Variants in ZNF93 observed in about 807,000 individuals in gnomAD.
The protein encoded by ZNF93 is zinc finger protein 93.
ZNF93 carries 29 observed loss-of-function variants against 45.0 expected under a neutral mutation model. The ratio of observed to expected loss-of-function variants is 0.64; its 90% CI spans 0.48 to 0.88. ZNF93 has a LOEUF of 0.88. ZNF93 is among the 40% of genes least tolerant of loss of function. The probability of loss-of-function intolerance (pLI) is 0.00; values close to 1 mark genes in which losing one functional copy is unlikely to be tolerated. For synonymous variants in ZNF93, 223 were observed against 244.6 expected (o/e 0.91, Z 0.82); for missense variants, 578 against 724.0 (o/e 0.80, Z 2.31).
At chr19:19,915,996 C>G (rs930027288) in intron 2 of ZNF93, among the ~76,000 whole-genome samples, 3 of 152,018 alleles carry the variant, frequency 2.0e-5, no homozygotes, top group African/African-American at 7.2e-5. Context: ...CTAAATGCCA[C>G]CACCAATTTT....
chr19:19,927,337 G>T, intron 3 of ZNF93: 1 of 397,048 alleles, frequency 2.5e-6, no homozygotes, highest in South Asian at 1.4e-4. Flanking sequence ...CAGCTTGGGT[G>T]ACAGAGTGAG....
At chr19:19,913,240 G>A (rs953495672) in intron 1 of ZNF93, among the ~76,000 whole-genome samples, 5 of 152,172 alleles carry the variant, frequency 3.3e-5, no homozygotes, top group Non-Finnish European at 5.9e-5. Flanking sequence ...TTATAAGCTC[G>A]TTAAAGCTTG....
At chr19:19,909,675 T>G (rs2063302404) in intron 1 of ZNF93, among the ~76,000 whole-genome samples, 1 of 152,238 alleles carries the variant, frequency 6.6e-6, no homozygotes, top group African/African-American at 2.4e-5. Flanking sequence ...TGTTCTATTA[T>G]TGTGGAGTTT....
At chr19:19,901,660 C>T (rs1168061529) in intron 1 of ZNF93, among the ~76,000 whole-genome samples, 1 of 152,058 alleles carries the variant, frequency 6.6e-6, no homozygotes, top group East Asian at 1.9e-4. Context: ...TTTCCCCATT[C>T]TCCTTTTCTC....
intron 1 of ZNF93, among the ~76,000 whole-genome samples, chr19:19,911,367 T>G (rs151155843): frequency 2.0e-5 from 3 of 152,380 alleles, no homozygotes; most frequent in African/African-American, 4.8e-5. Context: ...ATTCTGCTTC[T>G]GTCTCAGTGT....
At chr19:19,905,567 T>G (rs766911468) in intron 1 of ZNF93, among the ~76,000 whole-genome samples, 2 of 152,150 alleles carry the variant, frequency 1.3e-5, no homozygotes, top group Non-Finnish European at 2.9e-5. Flanking sequence ...CACAGAGTAT[T>G]CCATGATGTT....
At chr19:19,930,343 C>T (rs910756421) in intron 3 of ZNF93, among the ~76,000 whole-genome samples, 5 of 152,152 alleles carry the variant, frequency 3.3e-5, no homozygotes, top group Non-Finnish European at 5.9e-5. Context: ...AGACTAGGAG[C>T]GTGACCACTG....
intron 3 of ZNF93, 198 bp from the exon 4 acceptor site, chr19:19,932,984 T>C (rs2063379261): frequency 1.6e-5 from 6 of 386,808 alleles, no homozygotes; most frequent in Non-Finnish European, 2.6e-5. Context: ...TAAATTTACC[T>C]GCCTTACCAG....
chr19:19,915,466 TG>T, intron 2 of ZNF93, 60 bp downstream of exon 2: 1 of 1,550,092 alleles, frequency 6.5e-7, no homozygotes, highest in Admixed American at 2.1e-5. Flanking sequence ...TTCTCTTTTT[TG>T]TAGAATGTTT....
At chr19:19,911,984 C>T (rs1172396311) in intron 1 of ZNF93, among the ~76,000 whole-genome samples, 1 of 152,018 alleles carries the variant, frequency 6.6e-6, no homozygotes, top group Non-Finnish European at 1.5e-5. Flanking sequence ...TGCTTGACCT[C>T]GTTCTGCACC....
At chr19:19,914,145 T>A (rs2063317347) in intron 1 of ZNF93, among the ~76,000 whole-genome samples, 1 of 152,192 alleles carries the variant, frequency 6.6e-6, no homozygotes, top group East Asian at 1.9e-4. Context: ...CACAGAAAGA[T>A]GTGGGTACTC....
intron 1 of ZNF93, among the ~76,000 whole-genome samples, chr19:19,905,837 C>A (rs1183144947): frequency 6.6e-6 from 1 of 152,080 alleles, no homozygotes; most frequent in Non-Finnish European, 1.5e-5. Context: ...GGCAATCCAC[C>A]AGCCTCAGCC....
At chr19:19,931,428 T>C (rs7251285) in intron 3 of ZNF93, among the ~76,000 whole-genome samples, 13,462 of 152,148 alleles carry the variant, frequency 0.088, 1,484 homozygotes, top group African/African-American at 0.26. Context: ...TGAATTCAGG[T>C]GATCTGCCTG....
chr19:19,927,427 A>T, intron 3 of ZNF93: 1 of 372,414 alleles, frequency 2.7e-6, no homozygotes, highest in Non-Finnish European at 4.7e-6. Context: ...CTAGAAACTT[A>T]ACATCTTGTA....
At chr19:19,914,815 C>G (rs941544728) in intron 1 of ZNF93, 3 of 370,984 alleles carry the variant, frequency 8.1e-6, no homozygotes, top group Non-Finnish European at 1.5e-5. Context: ...AAAACATTGA[C>G]ATTTTTGGTG....
chr19:19,932,390 A>G (rs1379301933), intron 3 of ZNF93: 1 of 152,300 alleles, frequency 6.6e-6, no homozygotes, highest in Non-Finnish European at 1.5e-5. Context: ...GGTTCTTTTC[A>G]AACACCACTC....
chr19:19,919,594 G>A (rs1439554716), intron 3 of ZNF93, among the ~76,000 whole-genome samples: 3 of 152,158 alleles, frequency 2.0e-5, no homozygotes, highest in East Asian at 1.9e-4. Context: ...AGCATGGAAT[G>A]TTCTTCCATG....
At position 19,933,527 on chromosome 19, in the gene ZNF93, A is replaced by T. The variant is rs778639126; in HGVS notation, c.572A>T (p.His191Leu). Residue 191 changes from histidine to leucine, a missense_variant, in exon 4 of 4, where the codon CAT becomes CTT. Transcript: ENST00000343769. ...AFNQFSTLITHKKIHTGEKPY... is the reference protein window; with the variant it reads ...AFNQFSTLITLKKIHTGEKPY... Reference sequence around the variant, plus strand: ...AACCAGTTCTCAACCCTTATAACACATAAGAAAATTCATACTGGAGAGAAA... The same window carrying T: ...AACCAGTTCTCAACCCTTATAACACTTAAGAAAATTCATACTGGAGAGAAA... 4.4e-6 allele frequency: 7 copies of T among 1,607,212 alleles called. No homozygotes were observed. The highest frequency in any genetic ancestry group is 5.9e-6 in the Non-Finnish European group (7 of 1,177,752).
intron 2 of ZNF93, among the ~76,000 whole-genome samples, 173 bp from the exon 3 acceptor site, chr19:19,916,387 T>G (rs1023541031): frequency 2.0e-5 from 3 of 152,190 alleles, no homozygotes; most frequent in African/African-American, 7.2e-5. Context: ...CGTGAGCCAC[T>G]GCACCCGGCA....
Sources: gnomAD v4.1 joint callset for allele counts (sites outside exome capture counted in the v4.1 genomes callset) on GRCh38, gnomAD v4.1.1 for gene constraint, MANE v1.5 for transcripts, NCBI Gene and HGNC (gene_info 2026-07-23, HGNC 2026-07-21) for gene names.